The following PCSK5 variants were observed in gnomAD, a reference collection of about 807,000 sequenced individuals.
PCSK5 encodes the protein prohormone convertase 5.
PCSK5 carries 129 observed loss-of-function variants against 233.2 expected under a neutral mutation model. That is an observed-to-expected ratio of 0.55 (90% CI 0.48 to 0.64). PCSK5 has a LOEUF of 0.64. Ranked by LOEUF, PCSK5 falls within the 30% of genes least tolerant of loss-of-function variation. The pLI is 0.00. For synonymous variants in PCSK5, 825 were observed against 879.2 expected, an observed-to-expected ratio of 0.94 and a Z score of 1.09; for missense variants, 2,076 against 2,430.1, an observed-to-expected ratio of 0.85 and a Z score of 3.06.
chr9:75,891,558 CACACA>C (rs869190059), intron 1 of PCSK5, among the ~76,000 whole-genome samples, 185 bp downstream of exon 1: 87 of 151,920 alleles, frequency 5.7e-4, no homozygotes, highest in Middle Eastern at 3.4e-3. Flanking sequence ...CACACACACA[CACACA>C]CCCCAGAGTT....
chr9:75,959,388 C>G (rs1223703065), intron 2 of PCSK5, among the ~76,000 whole-genome samples: 3 of 152,058 alleles, frequency 2.0e-5, no homozygotes, highest in Non-Finnish European at 4.4e-5. Flanking sequence ...GGTAGATACC[C>G]TAGGAACCAT....
chr9:76,086,817 A>G (rs1362914742), intron 7 of PCSK5, among the ~76,000 whole-genome samples: 3 of 152,192 alleles, frequency 2.0e-5, no homozygotes, highest in Admixed American at 6.5e-5. Flanking sequence ...TTATGTAGAA[A>G]TGTAAAATTA....
At chr9:75,957,995 CAG>C (rs904294222) in intron 2 of PCSK5, among the ~76,000 whole-genome samples, 19 of 152,116 alleles carry the variant, frequency 1.2e-4, no homozygotes, top group African/African-American at 4.1e-4. Flanking sequence ...GTTTATGAAA[CAG>C]AGGAAAGAAC....
chr9:76,083,537 T>C (rs1320868722), intron 7 of PCSK5, among the ~76,000 whole-genome samples: 2 of 152,228 alleles, frequency 1.3e-5, no homozygotes, highest in African/African-American at 4.8e-5. Flanking sequence ...TGAAACTGTG[T>C]ATCTCATCCC....
intron 17 of PCSK5, among the ~76,000 whole-genome samples, chr9:76,185,546 T>G (rs984374554): frequency 6.6e-6 from 1 of 152,190 alleles, no homozygotes; most frequent in South Asian, 2.1e-4. Context: ...CATTAACCAG[T>G]ATTGGAGCAT....
chr9:76,233,673 A>G, intron 22 of PCSK5, 77 bp downstream of exon 22: 1 of 1,373,002 alleles, frequency 7.3e-7, no homozygotes. Context: ...GGTTTGACCC[A>G]AAAGCCTTGT....
intron 9 of PCSK5, among the ~76,000 whole-genome samples, chr9:76,113,672 T>C (rs1036430264): frequency 6.6e-6 from 1 of 152,148 alleles, no homozygotes; most frequent in Non-Finnish European, 1.5e-5. Context: ...TGAGCACTGT[T>C]AAGGGAGGCC....
chr9:76,178,546 G>C (rs574788743), intron 14 of PCSK5, among the ~76,000 whole-genome samples: 55 of 152,140 alleles, frequency 3.6e-4, no homozygotes, highest in Non-Finnish European at 7.2e-4. Flanking sequence ...TTCCACCCGA[G>C]TTCTAACATT....
At chr9:76,241,573 A>C (rs750286930) in intron 24 of PCSK5, among the ~76,000 whole-genome samples, 1 of 152,210 alleles carries the variant, frequency 6.6e-6, no homozygotes, top group Non-Finnish European at 1.5e-5. Context: ...TCACTCTCAC[A>C]TGTAACTCTT....
intron 24 of PCSK5, among the ~76,000 whole-genome samples, chr9:76,283,094 C>A (rs1182854117): frequency 1.3e-5 from 2 of 152,104 alleles, no homozygotes; most frequent in African/African-American, 4.8e-5. Context: ...AGTGGTTTTT[C>A]AAGATGGAAA....
chr9:75,905,143 G>A (rs532477456), intron 1 of PCSK5, among the ~76,000 whole-genome samples: 1 of 152,278 alleles, frequency 6.6e-6, no homozygotes, highest in South Asian at 2.1e-4. Context: ...GGTAAGGCTG[G>A]AAGGGTTGGT....
intron 35 of PCSK5, among the ~76,000 whole-genome samples, chr9:76,344,424 A>C (rs1286056422): frequency 1.9e-4 from 29 of 152,218 alleles, no homozygotes; most frequent in Non-Finnish European, 2.9e-5. Context: ...CCCATTCACA[A>C]TTGACTCCAG....
chr9:75,968,071 C>G (rs530461662), intron 2 of PCSK5, among the ~76,000 whole-genome samples: 4 of 152,302 alleles, frequency 2.6e-5, no homozygotes, highest in Non-Finnish European at 4.4e-5. Context: ...CAGGGCCCAG[C>G]CTTTTATAGT....
rs569735124 is a variant in PCSK5, at chr9:76,197,671, A to C, written c.2626+7925A>C. On this transcript the variant is annotated intron_variant, in intron 20 of 37. Transcript: ENST00000674117. ...TGAACAGAAATTGCATATTGGAGGC[A>C]ATTTTAAACTATGGCTCAGCCAATT... Among the ~76,000 whole-genome samples the C allele has an allele frequency of 4.4e-4, 66 of 151,552 alleles. 1 individual carries two copies. The highest frequency in any genetic ancestry group is 2.8e-3 in the Admixed American group (42 of 15,186).
intron 30 of PCSK5, among the ~76,000 whole-genome samples, chr9:76,311,087 G>T (rs1015165136): frequency 6.6e-6 from 1 of 152,120 alleles, no homozygotes; most frequent in Non-Finnish European, 1.5e-5. Context: ...TGAAAAATAT[G>T]TTCAGGGGCT....
chr9:76,312,402 G>A (rs759717721), intron 30 of PCSK5, among the ~76,000 whole-genome samples: 8 of 151,852 alleles, frequency 5.3e-5, no homozygotes, highest in Non-Finnish European at 8.8e-5. Flanking sequence ...CCAGCTACTC[G>A]GGAGGCTGAA....
intron 7 of PCSK5, among the ~76,000 whole-genome samples, chr9:76,081,272 G>A (rs940034445): frequency 6.6e-6 from 1 of 152,032 alleles, no homozygotes; most frequent in Non-Finnish European, 1.5e-5. Context: ...TGGCCAACAT[G>A]GTGAGACCCT....
chr9:76,181,398 G>A lies in PCSK5; in HGVS notation c.2004G>A (p.Arg668=), dbSNP rs1367453804. ...TCTTTCTTATTGTTTCACAATGCAG[G>A]ATCTGTGTCTCCAGCTGCCCCCCTG... The part of the protein sequence containing the change: ...HYYYKLKNNT[R]ICVSSCPPGH... The change falls in exon 16 of 38, where the codon AGG becomes AGA. Residue 668 remains arginine (R), a splice_region_variant and synonymous_variant. Transcript: ENST00000674117. 1 of 1,611,608 alleles carries A rather than the reference G, an allele frequency of 6.2e-7. No homozygotes were observed. The highest frequency in any genetic ancestry group is 1.7e-5 in the Admixed American group (1 of 59,736).
intron 1 of PCSK5, among the ~76,000 whole-genome samples, chr9:75,920,776 A>G (rs113014803): frequency 0.025 from 3,830 of 152,266 alleles, 152 homozygotes; most frequent in African/African-American, 0.085. Context: ...ACTGCACTAT[A>G]GCCTGGGTGA....
Sources: gnomAD v4.1 joint callset for allele counts (sites outside exome capture counted in the v4.1 genomes callset) on GRCh38, gnomAD v4.1.1 for gene constraint, MANE v1.5 for transcripts, NCBI Gene and HGNC (gene_info 2026-07-23, HGNC 2026-07-21) for gene names.